The following GUF1 variants were observed in gnomAD, a reference collection of about 807,000 sequenced individuals.
GUF1 encodes translation factor GUF1, mitochondrial.
GUF1 carries 78 observed loss-of-function variants against 82.4 expected under a neutral mutation model. The observed-to-expected ratio is 0.95, with a 90% CI of 0.79 to 1.14. The LOEUF (loss-of-function observed/expected upper bound fraction) is 1.14. GUF1 is among the 50% of genes most tolerant of loss of function. The probability of loss-of-function intolerance (pLI) is 0.00; values close to 1 mark genes in which losing one functional copy is unlikely to be tolerated. For synonymous variants in GUF1, 279 were observed against 282.3 expected, an observed-to-expected ratio of 0.99 and a Z score of 0.12; for missense variants, 814 against 798.2, an observed-to-expected ratio of 1.02 and a Z score of -0.24.
rs1716035011 is a variant in GUF1, at chr4:44,698,946, T to C, written c.*265T>C. Reference sequence around the variant, plus strand: ...TTCCTCTTCAGTAAAATCGAGATTATACTACTACCTACATAAGTTGTTGTT... The same window carrying C: ...TTCCTCTTCAGTAAAATCGAGATTACACTACTACCTACATAAGTTGTTGTT... On this transcript the variant is annotated 3_prime_UTR_variant, in exon 17 of 17. Transcript: ENST00000281543. 3.2e-6 allele frequency: 1 copy of C among 312,802 alleles called. No homozygotes were observed. 19.4% of individuals were successfully genotyped at this position (312,802 alleles called of 1,614,324 possible).
intron 16 of GUF1, 113 bp from the exon 17 acceptor site, chr4:44,698,431 C>T: frequency 1.3e-6 from 1 of 748,012 alleles, no homozygotes; most frequent in Non-Finnish European, 2.2e-6. Context: ...AGATGTCTGC[C>T]TTATGGATAA....
Position 44,686,253 on chromosome 4 carries a change from A to G in GUF1, c.734+230A>G, listed in dbSNP as rs183894055. ...GATGATTGATAGAGGTCTTTTCATG[A>G]CAATCATTATAAAATATACCTCAGT... On this transcript the variant is annotated intron_variant, in intron 7 of 16. Coordinates refer to ENST00000281543, the MANE Select transcript of GUF1 (RefSeq NM_021927.3). Among the ~76,000 whole-genome samples the G allele has an allele frequency of 1.6e-4, 24 of 152,184 alleles. No individual in the cohort carries two copies. In the East Asian group the frequency reaches 2.3e-3, roughly 15 times the overall value.
At chr4:44,695,135 C>G (rs904150639) in intron 14 of GUF1, among the ~76,000 whole-genome samples, 5 of 152,080 alleles carry the variant, frequency 3.3e-5, no homozygotes, top group Non-Finnish European at 5.9e-5. Context: ...AAAGGAAAAC[C>G]CCCACGTGTT....
At position 44,698,651 on chromosome 4, in the gene GUF1, A is replaced by G; in HGVS notation, c.1980A>G (p.Ile660Met). 1 of 1,600,390 alleles carries G rather than the reference A, an allele frequency of 6.2e-7. No homozygotes were observed. The highest frequency in any genetic ancestry group is 8.5e-7 in the Non-Finnish European group (1 of 1,176,414). The change falls in exon 17 of 17, where the codon ATA (isoleucine) becomes ATG (methionine). Residue 660 changes from isoleucine to methionine, a missense_variant. Transcript: ENST00000281543. ...GNVEVPKDAF[I>M]KVLKTQSSK ...TTGAAGTTCCAAAAGATGCTTTTAT[A>G]AAAGTTCTGAAAACACAATCTTCTA...
chr4:44,694,811 TTTTG>T (rs909232763), intron 14 of GUF1, among the ~76,000 whole-genome samples: 1 of 149,872 alleles, frequency 6.7e-6, no homozygotes, highest in Non-Finnish European at 1.5e-5. Flanking sequence ...TTTTGTTTTG[TTTTG>T]TTTTTTTTTT....
intron 6 of GUF1, among the ~76,000 whole-genome samples, chr4:44,684,560 A>C (rs1240377540): frequency 6.6e-6 from 1 of 152,082 alleles, no homozygotes; most frequent in Non-Finnish European, 1.5e-5. Context: ...CCTTACAGAG[A>C]ATGGATCAAA....
rs1716195437 is a variant in GUF1 at position 44,700,837 on chromosome 4, C to T, written c.*2156C>T. On this transcript the variant is annotated 3_prime_UTR_variant, in exon 17 of 17. Transcript: ENST00000281543. ...ATCTTATGTATCTTCCCTCCCTCTTCCAGGTTCTGATAAAAACAGATGAAA... is the reference window on the plus strand; with the variant it reads ...ATCTTATGTATCTTCCCTCCCTCTTTCAGGTTCTGATAAAAACAGATGAAA... The T allele has an allele frequency of 6.6e-6, 1 of 152,146 alleles. No individual in the cohort carries two copies. The highest frequency in any genetic ancestry group is 1.5e-5 in the Non-Finnish European group (1 of 68,040). 9.4% of individuals were successfully genotyped at this position (152,146 alleles called of 1,614,324 possible).
In GUF1 at chr4:44,683,293, A is replaced by G. The variant is rs1219102677; in HGVS notation, c.644A>G (p.Asp215Gly). ...GAAAACCAAATTGAGAAAGTGTTTG[A>G]TATTCCAAGTGATGAATGTATTAAG... ...RVENQIEKVF[D>G]IPSDECIKIS... is the part of the protein sequence containing the mutation. Residue 215 changes from aspartate (D) to glycine (G), a missense_variant, in exon 6 of 17, where the codon GAT (aspartate) becomes GGT (glycine). By Grantham distance (94) the Asp-to-Gly change is moderately conservative. Coordinates refer to ENST00000281543, the MANE Select transcript of GUF1 (RefSeq NM_021927.3). 6.3e-7 allele frequency: 1 copy of G among 1,582,836 alleles called. No individual in the cohort carries two copies. Among genetic ancestry groups the G allele is most frequent in the Middle Eastern group, 1.7e-4 (1 of 5,980 alleles).
Position 44,678,513 on chromosome 4 carries a change from T to A in GUF1, c.-110T>A. ...GGTTCATTGTCTTCGCTTCACAGGA[T>A]CTGTTTGAGTCCTGTCCACCGGATC... is the stretch of plus-strand genomic sequence containing the variant. On this transcript the variant is annotated 5_prime_UTR_variant, in exon 1 of 17. Transcript: ENST00000281543. 1 of 834,314 alleles carries A rather than the reference T, an allele frequency of 1.2e-6. No homozygotes were observed. The highest frequency in any genetic ancestry group is 1.7e-6 in the Non-Finnish European group (1 of 593,522). 51.7% of individuals were successfully genotyped at this position (834,314 alleles called of 1,614,324 possible). A position where few individuals can be genotyped will look rare whatever the true frequency, so the allele number is the denominator to read the frequency against.
rs769603260 is a variant in GUF1, at chr4:44,686,607, G to T, written c.832G>T (p.Gly278Ter). 8 of 1,611,400 alleles carry T rather than the reference G, an allele frequency of 5.0e-6. No individual in the cohort carries two copies. In the South Asian group the frequency reaches 6.6e-5, roughly 13 times the overall value. The change falls in exon 8 of 17, where the codon GGA becomes TGA. Residue 278 changes from glycine to a stop codon, truncating the protein, a stop_gained. Coordinates refer to ENST00000281543, the MANE Select transcript of GUF1 (RefSeq NM_021927.3). LOFTEE classifies it high-confidence loss of function. ...GATAGCCAATGTAGCATTATTTGACGGAGTGGTTTCCAAAGGAGATAAAAT... is the reference window on the plus strand; with the variant it reads ...GATAGCCAATGTAGCATTATTTGACTGAGTGGTTTCCAAAGGAGATAAAAT... ...GVIANVALFDGVVSKGDKIVS... is the reference protein window; with the variant it reads ...GVIANVALFD
intron 14 of GUF1, among the ~76,000 whole-genome samples, chr4:44,694,854 T>C (rs1715695083): frequency 6.6e-6 from 1 of 152,126 alleles, no homozygotes; most frequent in African/African-American, 2.4e-5. Context: ...GTTGCCAGGC[T>C]GGAGTGCAGT....
At chr4:44,678,874 G>T in intron 1 of GUF1, 87 bp downstream of exon 1, 1 of 1,328,586 alleles carries the variant, frequency 7.5e-7, no homozygotes. Context: ...GGCTTTCTGG[G>T]ACTAGCTCTG....
chr4:44,695,519 A>C, intron 14 of GUF1, 96 bp from the exon 15 acceptor site: 3 of 958,490 alleles, frequency 3.1e-6, no homozygotes, highest in Non-Finnish European at 4.6e-6. Flanking sequence ...AACCTCCTTA[A>C]GAGATCACCT....
chr4:44,695,733 A>T lies in GUF1; in HGVS notation c.1834A>T (p.Thr612Ser). 1 of 1,608,534 alleles carries T rather than the reference A, an allele frequency of 6.2e-7. No homozygotes were observed. Among genetic ancestry groups the T allele is most frequent in the Non-Finnish European group, 8.5e-7 (1 of 1,178,378 alleles). ...TGGAAGTAAAATCATTGCAAGAGAA[A>T]CGTGAGTTGAAATTCATTTTTGGTC... ...AIGSKIIARETVKAYRKNVLA... is the reference protein window; with the variant it reads ...AIGSKIIARESVKAYRKNVLA... The change falls in exon 15 of 17, where the codon ACT (threonine) becomes TCT (serine). Residue 612 changes from threonine to serine, a missense_variant and splice_region_variant. Thr to Ser is a moderately conservative substitution (Grantham distance 58). Coordinates refer to ENST00000281543, the MANE Select transcript of GUF1 (RefSeq NM_021927.3).
At position 44,682,344 on chromosome 4, in the gene GUF1, C is replaced by T. The variant is rs1347973855; in HGVS notation, c.518C>T (p.Ala173Val). 1 of 1,527,914 alleles carries T rather than the reference C, an allele frequency of 6.5e-7. No homozygotes were observed. The allele number at this position is 1,527,914 out of a possible 1,614,324, so 94.6% of individuals were successfully genotyped here. A position where few individuals can be genotyped will look rare whatever the true frequency, so the allele number is the denominator to read the frequency against. ...TCTTGATATTTTCAGGGAATTCAAG[C>T]CCAAACTGTAGCAAACTTCTTTCTT... ...LVVDANEGIQ[A>V]QTVANFFLAF... The change falls in exon 5 of 17, where the codon GCC becomes GTC. Residue 173 changes from alanine (A) to valine (V), a missense_variant. Physicochemically the swap from Ala to Val is moderately conservative, Grantham distance 64. Transcript: ENST00000281543.
chr4:44,683,123 G>A, intron 5 of GUF1, 112 bp from the exon 6 acceptor site: 1 of 557,520 alleles, frequency 1.8e-6, no homozygotes, highest in Non-Finnish European at 3.1e-6. Context: ...AAATATTGTA[G>A]AGGGGTCAGT....
Position 44,685,963 on chromosome 4 carries a change from C to T in GUF1, c.674C>T (p.Ser225Phe). Residue 225 changes from serine to phenylalanine, a missense_variant, in exon 7 of 17, where the codon TCT (serine) becomes TTT (phenylalanine). By Grantham distance (155) the Ser-to-Phe change is radical. Coordinates refer to ENST00000281543, the MANE Select transcript of GUF1 (RefSeq NM_021927.3). ...TTTTCACATGTATCTTTTTAGATTTCTGCTAAACTTGGAACAAATGTTGAG... is the reference window on the plus strand; with the variant it reads ...TTTTCACATGTATCTTTTTAGATTTTTGCTAAACTTGGAACAAATGTTGAG... ...DIPSDECIKI[S>F]AKLGTNVESV... 1 of 1,596,292 alleles carries T rather than the reference C, an allele frequency of 6.3e-7. No individual in the cohort carries two copies. Among genetic ancestry groups the T allele is most frequent in the Non-Finnish European group, 8.6e-7 (1 of 1,165,532 alleles).
chr4:44,694,275 T>C, intron 13 of GUF1, 137 bp from the exon 14 acceptor site: 2 of 641,166 alleles, frequency 3.1e-6, no homozygotes, highest in East Asian at 2.9e-5. Context: ...AAACTGTATA[T>C]GTAATATTTT....
Position 44,697,405 on chromosome 4 carries a change from C to A in GUF1, c.1836-3C>A. Reference sequence around the variant, plus strand: ...TACTTAAACGAATTTTTCTCTTTTACAGTGTGAAAGCCTATAGGAAAAACG... The same window carrying A: ...TACTTAAACGAATTTTTCTCTTTTAAAGTGTGAAAGCCTATAGGAAAAACG... On this transcript the variant is annotated splice_region_variant and splice_polypyrimidine_tract_variant and intron_variant, in intron 15 of 16. Coordinates refer to ENST00000281543, the MANE Select transcript of GUF1 (RefSeq NM_021927.3). The A allele has an allele frequency of 6.4e-7, 1 of 1,551,262 alleles. No individual in the cohort carries two copies. The highest frequency in any genetic ancestry group is 8.8e-7 in the Non-Finnish European group (1 of 1,136,906).
Sources: gnomAD v4.1 joint callset for allele counts (sites outside exome capture counted in the v4.1 genomes callset) on GRCh38, gnomAD v4.1.1 for gene constraint, MANE v1.5 for transcripts, NCBI Gene and HGNC (gene_info 2026-07-23, HGNC 2026-07-21) for gene names.